The following SHTN1 variants were observed in gnomAD, a reference collection of about 807,000 sequenced individuals.
SHTN1 encodes shootin 1, also known as shootin-1.
Under a neutral mutation model 83.1 loss-of-function variants are expected in SHTN1, and 42 were observed. That is an observed-to-expected ratio of 0.51 (90% CI 0.39 to 0.65). SHTN1 has a LOEUF of 0.65. SHTN1 is among the 30% of genes least tolerant of loss of function. The pLI, the probability that SHTN1 is intolerant of heterozygous loss-of-function variation, is 0.00. For missense variants in SHTN1, 622 were observed against 737.8 expected (o/e 0.84, Z 1.82); for synonymous variants, 224 against 247.7 (o/e 0.90, Z 0.90).
At chr10:117,096,057 A>C (rs1853499736) in intron 1 of SHTN1, among the ~76,000 whole-genome samples, 1 of 151,844 alleles carries the variant, frequency 6.6e-6, no homozygotes, top group African/African-American at 2.4e-5. Context: ...TCTATTTAAG[A>C]CTCTTCTCAA....
chr10:116,975,530 C>A (rs1850770808), intron 2 of SHTN1, among the ~76,000 whole-genome samples: 1 of 151,852 alleles, frequency 6.6e-6, no homozygotes, highest in African/African-American at 2.4e-5. Context: ...AGAGTAGGAC[C>A]TTCATATATT....
chr10:117,086,373 T>TG (rs1183694443), intron 1 of SHTN1, among the ~76,000 whole-genome samples: 3 of 152,236 alleles, frequency 2.0e-5, no homozygotes, highest in Non-Finnish European at 4.4e-5. Context: ...GTTGGGGTCT[T>TG]GTTTGCTTTA....
At chr10:116,937,503 G>T (rs1849218375) in intron 9 of SHTN1, among the ~76,000 whole-genome samples, 1 of 152,138 alleles carries the variant, frequency 6.6e-6, no homozygotes, top group South Asian at 2.1e-4. Context: ...ACTCTCTTCT[G>T]GTTTGTAGGG....
rs1422881612 is a variant in SHTN1, at chr10:117,017,661, A to G, written c.-123+30784T>C. ...ATTTCCAACTAATGTATGTAAATAT[A>G]CCCCCGCAGGGGTTGGAGTATAACT... On this transcript the variant is annotated intron_variant, in intron 2 of 17. Transcript: ENST00000392901. Among the ~76,000 whole-genome samples, 4 of 152,120 alleles carry G rather than the reference A, an allele frequency of 2.6e-5. No homozygotes were observed. The East Asian group carries it at 7.7e-4, about 29-fold the overall frequency.
At chr10:117,053,232 G>A (rs529518947) in intron 1 of SHTN1, among the ~76,000 whole-genome samples, 65 of 151,488 alleles carry the variant, frequency 4.3e-4, no homozygotes, top group Middle Eastern at 6.8e-3. Context: ...GACATGAAAA[G>A]CACAAACAAC....
intron 2 of SHTN1, among the ~76,000 whole-genome samples, chr10:117,026,097 A>G (rs1773361631): frequency 6.6e-6 from 1 of 152,196 alleles, no homozygotes; most frequent in African/African-American, 2.4e-5. Flanking sequence ...AGGGAGGTAG[A>G]GCACCAAGTA....
chr10:116,945,334 C>T (rs1849537885), intron 7 of SHTN1, among the ~76,000 whole-genome samples: 1 of 152,136 alleles, frequency 6.6e-6, no homozygotes, highest in Non-Finnish European at 1.5e-5. Context: ...AGTGAAATGA[C>T]ATAATACTCT....
chr10:116,911,954 C>G, intron 13 of SHTN1, 111 bp from the exon 14 acceptor site: 1 of 758,348 alleles, frequency 1.3e-6, no homozygotes, highest in Non-Finnish European at 2.3e-6. Context: ...ATATGTATGA[C>G]TATATATATT....
chr10:117,067,979 A>G (rs1399969640), intron 1 of SHTN1, among the ~76,000 whole-genome samples: 1 of 152,188 alleles, frequency 6.6e-6, no homozygotes, highest in Non-Finnish European at 1.5e-5. Context: ...AAGTAGAGAC[A>G]TAAAGAGTCC....
intron 13 of SHTN1, among the ~76,000 whole-genome samples, chr10:116,912,605 A>G (rs1848241861): frequency 6.6e-6 from 1 of 152,186 alleles, no homozygotes; most frequent in Non-Finnish European, 1.5e-5. Flanking sequence ...CCTGCCTCAC[A>G]ATACCTAACG....
chr10:117,064,234 G>A (rs1476163123), intron 1 of SHTN1, among the ~76,000 whole-genome samples: 2 of 152,148 alleles, frequency 1.3e-5, no homozygotes, highest in Non-Finnish European at 2.9e-5. Flanking sequence ...GCTACCAATT[G>A]GGCACTGTGA....
chr10:117,050,778 GCT>G (rs1316333011), intron 1 of SHTN1, among the ~76,000 whole-genome samples: 1 of 152,104 alleles, frequency 6.6e-6, no homozygotes, highest in Non-Finnish European at 1.5e-5. Flanking sequence ...CACAGCCCAG[GCT>G]TGGTGGCTCG....
chr10:117,118,377 A>C (rs900184034), intron 1 of SHTN1, among the ~76,000 whole-genome samples: 2 of 150,516 alleles, frequency 1.3e-5, no homozygotes, highest in Non-Finnish European at 2.9e-5. Flanking sequence ...AAAAAAAAAA[A>C]AAAAAAAAAA....
At chr10:116,965,175 T>G (rs944850542) in intron 3 of SHTN1, among the ~76,000 whole-genome samples, 4 of 151,676 alleles carry the variant, frequency 2.6e-5, no homozygotes, top group Admixed American at 6.6e-5. Context: ...CTAGGGAGAG[T>G]AGAGCCCTAT....
chr10:117,085,918 A>ATTTTTT (rs35586223), intron 1 of SHTN1, among the ~76,000 whole-genome samples: 6 of 121,082 alleles, frequency 5.0e-5, no homozygotes, highest in Non-Finnish European at 8.0e-5. Flanking sequence ...GCTTTGTCTG[A>ATTTTTT]TTTTTTTTTT....
intron 1 of SHTN1, among the ~76,000 whole-genome samples, chr10:117,071,357 T>C (rs1209891323): frequency 6.6e-6 from 1 of 152,136 alleles, no homozygotes; most frequent in Non-Finnish European, 1.5e-5. Context: ...GCCCTATAAA[T>C]GGTGATTAGA....
intron 10 of SHTN1, 60 bp downstream of exon 10, chr10:116,929,789 C>T: frequency 8.5e-7 from 1 of 1,172,916 alleles, no homozygotes. Context: ...AGGTTTTGTA[C>T]TAGGCATGAG....
At chr10:117,032,459 C>T (rs139713006) in intron 2 of SHTN1, among the ~76,000 whole-genome samples, 2,674 of 152,242 alleles carry the variant, frequency 0.018, 81 homozygotes, top group African/African-American at 0.061. Context: ...CCGCCTCAGC[C>T]TCCCAAAGTG....
chr10:116,980,872 T>G (rs1246140967), intron 1 of SHTN1, among the ~76,000 whole-genome samples: 7 of 152,200 alleles, frequency 4.6e-5, no homozygotes, highest in Admixed American at 4.6e-4. Context: ...ATTTATGAGA[T>G]TATATCACCA....
Sources: gnomAD v4.1 joint callset for allele counts (sites outside exome capture counted in the v4.1 genomes callset) on GRCh38, gnomAD v4.1.1 for gene constraint, MANE v1.5 for transcripts, NCBI Gene and HGNC (gene_info 2026-07-23, HGNC 2026-07-21) for gene names.